GYPE: variants seen among roughly 807,000 people sequenced by gnomAD.
GYPE encodes glycophorin-E.
GYPE carries 8 observed loss-of-function variants against 11.6 expected under a neutral mutation model. The observed-to-expected ratio is 0.69, with a 90% CI of 0.41 to 1.25. The LOEUF is 1.25. GYPE is among the 50% of genes most tolerant of loss of function. The pLI is 0.01. For missense variants in GYPE, 90 were observed against 92.8 expected, an observed-to-expected ratio of 0.97 and a Z score of 0.12; for synonymous variants, 28 against 29.6, an observed-to-expected ratio of 0.94 and a Z score of 0.18.
chr4:143,878,647 G>A (rs1310943852), intron 2 of GYPE: 1 of 486,064 alleles, frequency 2.1e-6, no homozygotes, highest in East Asian at 6.1e-5. Context: ...ATCTGCTTCA[G>A]GGAAACGATG....
chr4:143,898,139 G>A (rs1744726039), intron 1 of GYPE, among the ~76,000 whole-genome samples: 1 of 152,224 alleles, frequency 6.6e-6, no homozygotes, highest in Non-Finnish European at 1.5e-5. Flanking sequence ...CACTTTGGGA[G>A]GCCGAGGCAG....
At chr4:143,902,801 A>G (rs1049362116) in intron 1 of GYPE, among the ~76,000 whole-genome samples, 1 of 152,308 alleles carries the variant, frequency 6.6e-6, no homozygotes. Flanking sequence ...AAATTAGTAT[A>G]TTATGACCTA....
At chr4:143,876,633 G>C in intron 3 of GYPE, 113 bp downstream of exon 3, 1 of 647,612 alleles carries the variant, frequency 1.5e-6, no homozygotes. Flanking sequence ...TGAAAAAGAT[G>C]GAATTTTATG....
intron 3 of GYPE, chr4:143,875,381 GT>G: frequency 1.5e-6 from 2 of 1,320,470 alleles, no homozygotes; most frequent in Non-Finnish European, 2.1e-6. Flanking sequence ...AGAACAGGGA[GT>G]TAGGATAGCC....
At chr4:143,905,136 G>A (rs1229847470) in intron 1 of GYPE, among the ~76,000 whole-genome samples, 1 of 152,282 alleles carries the variant, frequency 6.6e-6, no homozygotes, top group African/African-American at 2.4e-5. Flanking sequence ...GTTTGGAAAT[G>A]AATCTCCTTA....
intron 1 of GYPE, among the ~76,000 whole-genome samples, chr4:143,896,721 G>A (rs1351611981): frequency 9.2e-5 from 14 of 152,004 alleles, no homozygotes; most frequent in Non-Finnish European, 1.8e-4. Context: ...TGTTTATTGC[G>A]GCACTATTCA....
At chr4:143,902,502 T>G (rs1016531218) in intron 1 of GYPE, among the ~76,000 whole-genome samples, 4 of 151,260 alleles carry the variant, frequency 2.6e-5, no homozygotes, top group Admixed American at 6.6e-5. Context: ...ATTTCCTCTT[T>G]CCTTTCCTCC....
intron 1 of GYPE, among the ~76,000 whole-genome samples, chr4:143,893,307 T>G (rs1411282674): frequency 7.2e-6 from 1 of 139,222 alleles, no homozygotes; most frequent in Non-Finnish European, 1.6e-5. Context: ...TTAGTCCATT[T>G]ACATTTAAAG....
chr4:143,876,924 T>C, intron 2 of GYPE, 69 bp from the exon 3 acceptor site: 1 of 826,970 alleles, frequency 1.2e-6, no homozygotes, highest in South Asian at 1.4e-5. Flanking sequence ...AATTGAAAAA[T>C]AAGATAACAT....
At chr4:143,884,018 T>G (rs1317649349) in intron 1 of GYPE, among the ~76,000 whole-genome samples, 1 of 152,064 alleles carries the variant, frequency 6.6e-6, no homozygotes, top group Non-Finnish European at 1.5e-5. Flanking sequence ...GGGAGGGTGC[T>G]GCAATTTTCT....
chr4:143,876,727 T>G lies in GYPE; in HGVS notation c.*9+19A>C, dbSNP rs778331056. On this transcript the variant is annotated intron_variant, in intron 3 of 3. Transcript: ENST00000358615. ...GTTCACACTGGTATTTAGAGCAAAA[T>G]TAAAAACTGAATTCTCACCTTTATC... The G allele has an allele frequency of 3.0e-6, 4 of 1,352,100 alleles. No individual in the cohort carries two copies. In the East Asian group the frequency reaches 9.3e-5, roughly 31 times the overall value. The allele number at this position is 1,352,100 out of a possible 1,614,324, so 83.8% of individuals were successfully genotyped here.
At chr4:143,897,063 C>A (rs559429057) in intron 1 of GYPE, among the ~76,000 whole-genome samples, 3 of 152,042 alleles carry the variant, frequency 2.0e-5, no homozygotes, top group Admixed American at 6.5e-5. Flanking sequence ...TGCTAAATGA[C>A]GAGTTAATGG....
Position 143,880,506 on chromosome 4 carries a change from A to T in GYPE, c.41T>A (p.Ile14Asn), listed in dbSNP as rs777401221. The part of the protein sequence containing the change: ...KIIFVLLLSG[I>N]VSISASSTTG... ...GGTACTTGATGCTGATATGCTCACAATTCCTGTATAAAATAGAAGTTGAGA... is the reference window on the plus strand; with the variant it reads ...GGTACTTGATGCTGATATGCTCACATTTCCTGTATAAAATAGAAGTTGAGA... The change falls in exon 2 of 4, where the codon ATT becomes AAT. Residue 14 changes from isoleucine (I) to asparagine (N), a missense_variant. By Grantham distance (149) the Ile-to-Asn change is moderately radical (BLOSUM62 -3). Transcript: ENST00000358615. 6.2e-7 allele frequency: 1 copy of T among 1,613,958 alleles called. No homozygotes were observed. The highest frequency in any genetic ancestry group is 1.7e-4 in the Middle Eastern group (1 of 6,056).
In GYPE at chr4:143,871,418, C is replaced by T. The variant is rs2149901864; in HGVS notation, c.*844G>A. The T allele has an allele frequency of 6.6e-6, 1 of 152,274 alleles. No homozygotes were observed. Among genetic ancestry groups the T allele is most frequent in the Admixed American group, 6.5e-5 (1 of 15,282 alleles). The allele number at this position is 152,274 out of a possible 1,614,324, so 9.4% of individuals were successfully genotyped here. On this transcript the variant is annotated 3_prime_UTR_variant, in exon 4 of 4. Coordinates refer to ENST00000358615, the MANE Select transcript of GYPE (RefSeq NM_198682.3). ...GCTGAAACCAAGAGGCACTGATTAC[C>T]ACCTCACTCTAAAGAGAATTACTGA...
At position 143,872,992 on chromosome 4, in the gene GYPE, T is replaced by C. The variant is rs577648611; in HGVS notation, c.*10-740A>G. Among the ~76,000 whole-genome samples, 9 of 152,118 alleles carry C rather than the reference T, an allele frequency of 5.9e-5. No individual in the cohort carries two copies. In the South Asian group the frequency reaches 1.9e-3, roughly 32 times the overall value. The stretch of plus-strand genomic sequence containing the variant: ...TGCAGTGAAAAACCTACTGGAGATT[T>C]TAAGTAGGAGAAATACATGATCTAA... On this transcript the variant is annotated intron_variant, in intron 3 of 3. Transcript: ENST00000358615.
intron 1 of GYPE, among the ~76,000 whole-genome samples, chr4:143,891,316 ATT>A (rs1174015133): frequency 2.5e-4 from 4 of 16,050 alleles, no homozygotes; most frequent in Admixed American, 1.3e-3. Context: ...TATTATTTTG[ATT>A]TTTTTTGTTT....
intron 1 of GYPE, among the ~76,000 whole-genome samples, chr4:143,891,983 T>A (rs1005332325): frequency 6.6e-6 from 1 of 152,204 alleles, no homozygotes; most frequent in Non-Finnish European, 1.5e-5. Context: ...TGCCACAATT[T>A]CAGAGCCTGT....
In GYPE at chr4:143,882,555, A is replaced by C. The variant is rs1187384982; in HGVS notation, c.38-2046T>G. ...AGCTAATAAAATAACAAGCCAAAAA[A>C]AATCAAAAGTGTTAATGGCCAGAAG... On this transcript the variant is annotated intron_variant, in intron 1 of 3. Coordinates refer to ENST00000358615, the MANE Select transcript of GYPE (RefSeq NM_198682.3). Among the ~76,000 whole-genome samples, 9 of 152,346 alleles carry C rather than the reference A, an allele frequency of 5.9e-5. 1 individual carries two copies. The East Asian group carries it at 1.7e-3, about 29-fold the overall frequency.
intron 2 of GYPE, among the ~76,000 whole-genome samples, chr4:143,879,015 A>G (rs1326790649): frequency 6.6e-6 from 1 of 152,174 alleles, no homozygotes; most frequent in Non-Finnish European, 1.5e-5. Context: ...AAAAATAATG[A>G]GAAGAAAGGA....
Sources: allele counts gnomAD v4.1 joint callset (sites outside exome capture counted in the v4.1 genomes callset), GRCh38; gene constraint gnomAD v4.1.1; transcripts MANE v1.5; gene names NCBI Gene and HGNC (gene_info 2026-07-23, HGNC 2026-07-21).